MCTP1: variants seen among roughly 807,000 people sequenced by gnomAD.
MCTP1 encodes the protein multiple C2 and transmembrane domain-containing protein 1.
MCTP1 carries 69 observed loss-of-function variants against 120.6 expected under a neutral mutation model. That is an observed-to-expected ratio of 0.57 (90% confidence interval 0.47 to 0.70). The LOEUF (loss-of-function observed/expected upper bound fraction) is 0.70, where lower values mean the gene tolerates loss of function less well. MCTP1 is among the 30% of genes least tolerant of loss of function. The probability of loss-of-function intolerance (pLI) is 0.00; values close to 1 mark genes in which losing one functional copy is unlikely to be tolerated. For synonymous variants in MCTP1, 529 were observed against 493.1 expected, an observed-to-expected ratio of 1.07 and a Z score of -0.96; for missense variants, 1,203 against 1,248.8, an observed-to-expected ratio of 0.96 and a Z score of 0.55.
intron 19 of MCTP1, among the ~76,000 whole-genome samples, chr5:94,750,077 G>GA (rs1767932361): frequency 6.6e-6 from 1 of 152,170 alleles, no homozygotes; most frequent in Admixed American, 6.5e-5. Context: ...TGCTGAATGA[G>GA]AAAAAGACAG....
Position 95,231,824 on chromosome 5 carries a change from A to T in MCTP1, c.720+52032T>A, listed in dbSNP as rs570238575. ...TATAACAACAGTATTATAAATGTCA[A>T]GAAGGGAAAATTGGAAGTATACTAT... On this transcript the variant is annotated intron_variant, in intron 1 of 22. Coordinates refer to ENST00000515393, the MANE Select transcript of MCTP1 (RefSeq NM_024717.7). Among the ~76,000 whole-genome samples the T allele has an allele frequency of 5.9e-5, 9 of 152,338 alleles. No homozygotes were observed. The East Asian group carries it at 1.7e-3, about 29-fold the overall frequency.
Position 94,823,612 on chromosome 5 carries a change from T to C in MCTP1, c.2437-24480A>G, listed in dbSNP as rs926962594. ...AATGGTAGCTTGATGGGAACAACAT[T>C]GAATCTATAAATCACTTTGGGCAGT... On this transcript the variant is annotated intron_variant, in intron 17 of 22. Transcript: ENST00000515393. Among the ~76,000 whole-genome samples, 15 of 152,372 alleles carry C rather than the reference T, an allele frequency of 9.8e-5. 1 individual carries two copies. The highest frequency in any genetic ancestry group is 4.6e-4 in the Admixed American group (7 of 15,308).
intron 1 of MCTP1, among the ~76,000 whole-genome samples, chr5:95,265,058 T>C (rs1052632348): frequency 6.6e-6 from 1 of 152,170 alleles, no homozygotes; most frequent in African/African-American, 2.4e-5. Flanking sequence ...CCCTGGTGCC[T>C]GGGCTCTACT....
At chr5:94,942,289 T>A (rs1485019509) in intron 4 of MCTP1, 59 bp downstream of exon 4, 1 of 1,280,380 alleles carries the variant, frequency 7.8e-7, no homozygotes, top group African/African-American at 1.5e-5. Context: ...TGACATTTTC[T>A]GTTACACAAG....
intron 12 of MCTP1, among the ~76,000 whole-genome samples, chr5:94,888,172 G>T (rs1004444156): frequency 7.2e-5 from 11 of 152,288 alleles, no homozygotes; most frequent in Admixed American, 7.2e-4. Flanking sequence ...AATCATAAAT[G>T]AATGGTCACA....
chr5:94,798,450 G>A (rs1780523818), intron 18 of MCTP1, among the ~76,000 whole-genome samples: 1 of 152,072 alleles, frequency 6.6e-6, no homozygotes, highest in South Asian at 2.1e-4. Context: ...CTTTCCCTAG[G>A]TTAAATGAAA....
chr5:94,986,657 G>A (rs1257399375), intron 2 of MCTP1, among the ~76,000 whole-genome samples: 2 of 152,046 alleles, frequency 1.3e-5, no homozygotes, highest in Non-Finnish European at 2.9e-5. Context: ...CGACAGGCAT[G>A]TGCCACCATG....
At chr5:95,253,016 C>A (rs1394043015) in intron 1 of MCTP1, among the ~76,000 whole-genome samples, 1 of 152,096 alleles carries the variant, frequency 6.6e-6, no homozygotes, top group Non-Finnish European at 1.5e-5. Context: ...TATATACATT[C>A]CAGATGATGA....
At chr5:95,217,013 G>A (rs894602485) in intron 1 of MCTP1, among the ~76,000 whole-genome samples, 1 of 152,204 alleles carries the variant, frequency 6.6e-6, no homozygotes, top group East Asian at 1.9e-4. Flanking sequence ...TAGCAGATGC[G>A]TATATACAGC....
At chr5:95,048,259 C>T (rs935852551) in intron 1 of MCTP1, among the ~76,000 whole-genome samples, 1 of 152,062 alleles carries the variant, frequency 6.6e-6, no homozygotes, top group Non-Finnish European at 1.5e-5. Flanking sequence ...AAGGAAAATG[C>T]ATAACATATG....
At chr5:95,193,207 G>A (rs932569958) in intron 1 of MCTP1, among the ~76,000 whole-genome samples, 3 of 152,098 alleles carry the variant, frequency 2.0e-5, no homozygotes, top group African/African-American at 7.2e-5. Context: ...AATTCACTTA[G>A]AAGCAAACCT....
At chr5:94,765,219 CCA>C (rs1491206457) in intron 19 of MCTP1, among the ~76,000 whole-genome samples, 2,391 of 152,042 alleles carry the variant, frequency 0.016, 71 homozygotes, top group African/African-American at 0.053. Flanking sequence ...ACACAACATG[CCA>C]AAACCTATGG....
intron 1 of MCTP1, 74 bp downstream of exon 1, chr5:95,283,782 C>G: frequency 1.6e-6 from 2 of 1,212,780 alleles, no homozygotes; most frequent in Non-Finnish European, 2.1e-6. Context: ...CCCCCCGCTC[C>G]CCGGGTGGTG....
intron 1 of MCTP1, among the ~76,000 whole-genome samples, chr5:95,253,170 A>G (rs1757538295): frequency 6.6e-6 from 1 of 152,198 alleles, no homozygotes; most frequent in Non-Finnish European, 1.5e-5. Context: ...AGAATATGCA[A>G]GAGGATAAAA....
intron 1 of MCTP1, among the ~76,000 whole-genome samples, chr5:95,145,027 A>G (rs1003306212): frequency 6.6e-6 from 1 of 152,190 alleles, no homozygotes; most frequent in Admixed American, 6.5e-5. Context: ...CTTCTAATCC[A>G]TGAGCATGGA....
chr5:94,866,384 C>G (rs2069619664), intron 17 of MCTP1, among the ~76,000 whole-genome samples: 1 of 151,840 alleles, frequency 6.6e-6, no homozygotes, highest in Non-Finnish European at 1.5e-5. Context: ...TCACATTCAA[C>G]AGAATGTGAT....
chr5:94,814,441 A>T lies in MCTP1; in HGVS notation c.2437-15309T>A, dbSNP rs1226573172. 2.6e-5 allele frequency among the ~76,000 whole-genome samples: 4 copies of T among 152,230 alleles called. No homozygotes were observed. The East Asian group carries it at 5.8e-4, about 22-fold the overall frequency. On this transcript the variant is annotated intron_variant, in intron 17 of 22. Transcript: ENST00000515393. ...AGTTGGTCCTCATTTGAGTTCAGAG[A>T]AGTTTCACTAAAGCCACTATAAAAT... is the stretch of plus-strand genomic sequence containing the variant.
chr5:95,000,411 A>C (rs1174114767), intron 2 of MCTP1, among the ~76,000 whole-genome samples: 2 of 152,212 alleles, frequency 1.3e-5, no homozygotes, highest in Non-Finnish European at 2.9e-5. Flanking sequence ...AAAAGAAGGC[A>C]TTATTATCAT....
intron 1 of MCTP1, among the ~76,000 whole-genome samples, chr5:95,049,126 C>A (rs1745266034): frequency 6.6e-6 from 1 of 152,086 alleles, no homozygotes; most frequent in South Asian, 2.1e-4. Flanking sequence ...CTGAATTCCC[C>A]AGAGTCTTAC....
Sources: allele counts gnomAD v4.1 joint callset (sites outside exome capture counted in the v4.1 genomes callset), GRCh38; gene constraint gnomAD v4.1.1; transcripts MANE v1.5; gene names NCBI Gene and HGNC (gene_info 2026-07-23, HGNC 2026-07-21).